TAF15: variants seen among roughly 807,000 people sequenced by gnomAD.
TAF15 encodes TATA-box binding protein associated factor 15.
Under a neutral mutation model 102.5 loss-of-function variants are expected in TAF15, and 37 were observed. The observed-to-expected ratio is 0.36, with a 90% CI of 0.28 to 0.47. The LOEUF (loss-of-function observed/expected upper bound fraction) is 0.47. TAF15 is among the 20% of genes least tolerant of loss of function. The pLI, the probability that TAF15 is intolerant of heterozygous loss-of-function variation, is 0.99. For synonymous variants in TAF15, 273 were observed against 259.2 expected, an observed-to-expected ratio of 1.05 and a Z score of -0.51; for missense variants, 652 against 760.7, an observed-to-expected ratio of 0.86 and a Z score of 1.68.
intron 2 of TAF15, among the ~76,000 whole-genome samples, chr17:35,818,885 A>G (rs1222404401): frequency 6.6e-6 from 1 of 152,158 alleles, no homozygotes; most frequent in East Asian, 1.9e-4. Flanking sequence ...TATGGTGTAT[A>G]ATATGCTAAT....
intron 5 of TAF15, among the ~76,000 whole-genome samples, chr17:35,821,912 G>A (rs2087263652): frequency 6.6e-6 from 1 of 152,124 alleles, no homozygotes; most frequent in Non-Finnish European, 1.5e-5. Context: ...TATTTTAAGA[G>A]AAGACACTTG....
chr17:35,812,583 CAAAA>C (rs34497840), intron 1 of TAF15, among the ~76,000 whole-genome samples: 136 of 66,268 alleles, frequency 2.1e-3, no homozygotes, highest in African/African-American at 7.5e-3. Flanking sequence ...AACTCTATCT[CAAAA>C]AAAAAAAAAA....
intron 11 of TAF15, among the ~76,000 whole-genome samples, chr17:35,839,382 T>A (rs1238835593): frequency 8.5e-6 from 1 of 117,614 alleles, no homozygotes; most frequent in African/African-American, 3.1e-5. Flanking sequence ...TTTTTTTTTT[T>A]TTTTTTTTTT....
chr17:35,823,940 G>T (rs907746112), intron 6 of TAF15, 138 bp from the exon 7 acceptor site: 2 of 1,050,900 alleles, frequency 1.9e-6, no homozygotes, highest in Non-Finnish European at 2.9e-6. Context: ...ATGATTTTAT[G>T]ATGACTTGCA....
intron 11 of TAF15, among the ~76,000 whole-genome samples, chr17:35,840,718 G>C (rs2087533339): frequency 1.3e-5 from 2 of 151,972 alleles, no homozygotes; most frequent in African/African-American, 4.8e-5. Flanking sequence ...ACAAAAATCA[G>C]CCAGGCGCGG....
In TAF15 at chr17:35,809,491, C is replaced by T. The variant is rs1169591775; in HGVS notation, c.-79C>T. ...GCCCGCCGCGCCGCCCTCAGTACAG[C>T]TCCGGCCGCCGCGCCGCCTGGCTTT... On this transcript the variant is annotated 5_prime_UTR_variant, in exon 1 of 16. Transcript: ENST00000605844. 3 of 1,601,110 alleles carry T rather than the reference C, an allele frequency of 1.9e-6. No individual in the cohort carries two copies. Among genetic ancestry groups the T allele is most frequent in the South Asian group, 1.1e-5 (1 of 90,406 alleles).
chr17:35,811,989 C>G (rs1347132986), intron 1 of TAF15, among the ~76,000 whole-genome samples: 2 of 152,196 alleles, frequency 1.3e-5, no homozygotes, highest in Admixed American at 1.3e-4. Context: ...GCCAGCTACC[C>G]TGGAGAGGAG....
At chr17:35,810,066 G>C (rs911007630) in intron 1 of TAF15, 2 of 245,362 alleles carry the variant, frequency 8.2e-6, no homozygotes, top group African/African-American at 4.6e-5. Context: ...TTCATCAGGT[G>C]GGGGCCTTGA....
chr17:35,811,571 A>T (rs1178100633), intron 1 of TAF15: 1 of 152,230 alleles, frequency 6.6e-6, no homozygotes, highest in Admixed American at 6.5e-5. Flanking sequence ...GTTTATTAAA[A>T]TCCCCCAAAA....
chr17:35,838,405 T>G lies in TAF15; in HGVS notation c.784-19T>G. The G allele has an allele frequency of 6.2e-7, 1 of 1,613,966 alleles. No homozygotes were observed. Among genetic ancestry groups the G allele is most frequent in the Non-Finnish European group, 8.5e-7 (1 of 1,179,994 alleles). On this transcript the variant is annotated intron_variant, in intron 10 of 15. Transcript: ENST00000605844. The stretch of plus-strand genomic sequence containing the variant: ...TTATTTTAAAAATGCTAACACCAAG[T>G]GTTTCTGTTTTTCCTCAGACAAATA...
chr17:35,829,926 G>C (rs2087381919), intron 7 of TAF15: 1 of 152,282 alleles, frequency 6.6e-6, no homozygotes, highest in South Asian at 2.1e-4. Context: ...GATCACCTGA[G>C]GTCAGGGCTT....
At chr17:35,821,012 T>C (rs1311516562) in intron 5 of TAF15, among the ~76,000 whole-genome samples, 2 of 152,194 alleles carry the variant, frequency 1.3e-5, no homozygotes, top group East Asian at 3.8e-4. Context: ...TGCTTTACAT[T>C]CTGTGAAATG....
rs759624546 is a variant in TAF15 at position 35,844,879 on chromosome 17, G to T, written c.1580G>T (p.Ser527Ile). ...GDRGGYGGDR[S>I]RGGYGGDRGG... Reference sequence around the variant, plus strand: ...CGAGGAGGCTATGGAGGAGACAGAAGCCGGGGGGGCTATGGAGGAGACCGT... The same window carrying T: ...CGAGGAGGCTATGGAGGAGACAGAATCCGGGGGGGCTATGGAGGAGACCGT... Residue 527 changes from serine (S) to isoleucine (I), a missense_variant, in exon 15 of 16, where the codon AGC becomes ATC. Ser to Ile is a moderately radical substitution (Grantham distance 142). Transcript: ENST00000605844. 1 of 1,613,216 alleles carries T rather than the reference G, an allele frequency of 6.2e-7. No homozygotes were observed. Among genetic ancestry groups the T allele is most frequent in the Admixed American group, 1.7e-5 (1 of 59,942 alleles).
At chr17:35,831,553 G>A (rs1463367245) in intron 7 of TAF15, among the ~76,000 whole-genome samples, 1 of 152,090 alleles carries the variant, frequency 6.6e-6, no homozygotes, top group African/African-American at 2.4e-5. Context: ...TTACTGGCCA[G>A]AATGGAAATT....
chr17:35,845,775 CTG>C (rs2087617093), intron 15 of TAF15, among the ~76,000 whole-genome samples: 1 of 152,222 alleles, frequency 6.6e-6, no homozygotes, highest in Non-Finnish European at 1.5e-5. Context: ...GCGTGAGCCA[CTG>C]TGCCTGTCCA....
At chr17:35,818,708 G>A (rs1019153236) in intron 2 of TAF15, 2 of 152,008 alleles carry the variant, frequency 1.3e-5, no homozygotes, top group Admixed American at 1.3e-4. Context: ...CTACTTGGGA[G>A]GCTGAGGTGG....
chr17:35,828,713 G>T (rs1468346750), intron 7 of TAF15, among the ~76,000 whole-genome samples: 1 of 151,000 alleles, frequency 6.6e-6, no homozygotes, highest in African/African-American at 2.4e-5. Flanking sequence ...CTGCACTCCA[G>T]TCTGGGCAAT....
chr17:35,812,583 CAAAAAAAAAAAAA>C (rs34497840), intron 1 of TAF15, among the ~76,000 whole-genome samples: 1 of 66,280 alleles, frequency 1.5e-5, no homozygotes, highest in Admixed American at 1.7e-4. Context: ...AACTCTATCT[CAAAAAAAAAAAAA>C]AAAAAAAAAA....
intron 1 of TAF15, among the ~76,000 whole-genome samples, chr17:35,813,353 T>A (rs574581504): frequency 6.6e-6 from 1 of 151,796 alleles, no homozygotes; most frequent in East Asian, 2.0e-4. Flanking sequence ...AATGAAAGAT[T>A]TCAGGCATGG....
Sources: allele counts gnomAD v4.1 joint callset (sites outside exome capture counted in the v4.1 genomes callset), GRCh38; gene constraint gnomAD v4.1.1; transcripts MANE v1.5; gene names NCBI Gene and HGNC (gene_info 2026-07-23, HGNC 2026-07-21).